AJAP1: variants seen among roughly 807,000 people sequenced by gnomAD.
AJAP1 encodes the protein adherens junction-associated protein 1.
In AJAP1, 5 loss-of-function variants were observed where a neutral mutation model predicts 35.0. That is an observed-to-expected ratio of 0.14 (90% CI 0.07 to 0.30). The LOEUF is 0.30. Among genes scored for constraint, AJAP1 ranks in the 10% least tolerant of loss-of-function variants. The pLI, the probability that AJAP1 is intolerant of heterozygous loss-of-function variation, is 1.00. For missense variants in AJAP1, 586 were observed against 571.0 expected (o/e 1.03, Z -0.27); for synonymous variants, 284 against 249.3 (o/e 1.14, Z -1.31).
rs1186856905 is a variant in AJAP1, at chr1:4,720,581, A to G, written c.829+7882A>G. On this transcript the variant is annotated intron_variant, in intron 2 of 5. Transcript: ENST00000378191. This position sits in a 1 kb window ranked among gnomAD's most constrained non-coding sequence, Gnocchi z 4.4. ...TCTTTGCCTGCAAAATGGGGAAGCA[A>G]TTTCTTTGTGACAAGGCTGTTCTGA... 6.6e-6 allele frequency among the ~76,000 whole-genome samples: 1 copy of G among 152,042 alleles called. No homozygotes were observed. The highest frequency in any genetic ancestry group is 2.4e-5 in the African/African-American group (1 of 41,384).
rs1217464683 is a variant in AJAP1 at position 4,792,509 on chromosome 1, A to T, written c.*10024A>T. ...ACTCTGATGTTGCTATTAAAAAAAA[A>T]AACATAATATGAAAAAAAAAAAAAA... On this transcript the variant is annotated 3_prime_UTR_variant, in exon 6 of 6. Coordinates refer to ENST00000378191, the MANE Select transcript of AJAP1 (RefSeq NM_018836.4). The T allele has an allele frequency of 7.1e-6, 1 of 140,908 alleles. No individual in the cohort carries two copies. Among genetic ancestry groups the T allele is most frequent in the Non-Finnish European group, 1.5e-5 (1 of 65,474 alleles). 8.7% of individuals were successfully genotyped at this position (140,908 alleles called of 1,614,324 possible).
At position 4,786,207 on chromosome 1, in the gene AJAP1, C is replaced by T. The variant is rs1366665133; in HGVS notation, c.*3722C>T. ...GTGTGTGGAGGTGGCTGCTAGTGTT[C>T]CTATTTACTGCCCTCCTTGCACACA... is the stretch of plus-strand genomic sequence containing the variant. On this transcript the variant is annotated 3_prime_UTR_variant, in exon 6 of 6. Coordinates refer to ENST00000378191, the MANE Select transcript of AJAP1 (RefSeq NM_018836.4). 2 of 152,056 alleles carry T rather than the reference C, an allele frequency of 1.3e-5. No homozygotes were observed. The highest frequency in any genetic ancestry group is 2.1e-4 in the South Asian group (1 of 4,814). The allele number at this position is 152,056 out of a possible 1,614,324, so 9.4% of individuals were successfully genotyped here.
rs1642078410 is a variant in AJAP1 at position 4,782,245 on chromosome 1, G to T, written c.*60-300G>T. ...CCACCATGAGTTAGCGGAGGGGGTG[G>T]TCCCAGCCCCTGGTAGCAAGCTCAG... On this transcript the variant is annotated intron_variant, in intron 5 of 5. Coordinates refer to ENST00000378191, the MANE Select transcript of AJAP1 (RefSeq NM_018836.4). The surrounding 1 kb of genome is among the most constrained non-coding windows in gnomAD (Gnocchi z 5.3). 6.6e-6 allele frequency among the ~76,000 whole-genome samples: 1 copy of T among 152,082 alleles called. No individual in the cohort carries two copies. The highest frequency in any genetic ancestry group is 1.5e-5 in the Non-Finnish European group (1 of 68,026).
chr1:4,670,203 T>G (rs1639221526), intron 1 of AJAP1, among the ~76,000 whole-genome samples: 1 of 152,156 alleles, frequency 6.6e-6, no homozygotes, highest in Non-Finnish European at 1.5e-5. Flanking sequence ...CTGTGCACCT[T>G]GTTCACAGCG....
In AJAP1 at chr1:4,712,450, T is replaced by A; in HGVS notation, c.580T>A (p.Ser194Thr). 1.9e-6 allele frequency: 3 copies of A among 1,607,928 alleles called. No individual in the cohort carries two copies. Among genetic ancestry groups the A allele is most frequent in the Non-Finnish European group, 2.5e-6 (3 of 1,177,922 alleles). The change falls in exon 2 of 6, where the codon TCC (serine) becomes ACC (threonine). Residue 194 changes from serine to threonine, a missense_variant. By Grantham distance (58) the Ser-to-Thr change is moderately conservative. Coordinates refer to ENST00000378191, the MANE Select transcript of AJAP1 (RefSeq NM_018836.4). Reference sequence around the variant, plus strand: ...CACGGGGGACGAGGAGGCCCTGGAGTCCAACACATTTCCGGGCGTTTACGG... The same window carrying A: ...CACGGGGGACGAGGAGGCCCTGGAGACCAACACATTTCCGGGCGTTTACGG... ...GPTGDEEALE[S>T]NTFPGVYGPT...
intron 1 of AJAP1, among the ~76,000 whole-genome samples, chr1:4,666,000 G>A (rs1031514809): frequency 3.3e-5 from 5 of 152,204 alleles, no homozygotes; most frequent in African/African-American, 1.2e-4. Context: ...GGAATGGGGT[G>A]GCTGCCGTTT....
intron 1 of AJAP1, among the ~76,000 whole-genome samples, chr1:4,700,016 T>G (rs1639950531): frequency 6.6e-6 from 1 of 152,196 alleles, no homozygotes; most frequent in Non-Finnish European, 1.5e-5. Context: ...TATGCATCTG[T>G]GTGATGGTGC....
intron 2 of AJAP1, among the ~76,000 whole-genome samples, chr1:4,761,019 T>C (rs1281486051): frequency 6.6e-6 from 1 of 152,226 alleles, no homozygotes; most frequent in Non-Finnish European, 1.5e-5. Flanking sequence ...TGTTGGGTGA[T>C]TCATGATCTT....
chr1:4,741,248 A>G (rs1641062733), intron 2 of AJAP1, among the ~76,000 whole-genome samples: 1 of 152,176 alleles, frequency 6.6e-6, no homozygotes, highest in Non-Finnish European at 1.5e-5. Context: ...AGGACCACAG[A>G]CCAGGTGACC....
intron 5 of AJAP1, among the ~76,000 whole-genome samples, chr1:4,776,140 G>T (rs1334429763): frequency 1.3e-5 from 2 of 152,236 alleles, no homozygotes; most frequent in Non-Finnish European, 2.9e-5. Flanking sequence ...AACTCGGGGG[G>T]ACAGCCCCGT....
rs956667420 is a variant in AJAP1, at chr1:4,666,204, C to T, written c.29+10750C>T. On this transcript the variant is annotated intron_variant, in intron 1 of 5. Transcript: ENST00000378191. ...CCCACTGAGGCTCCTCCGGCCCACC[C>T]AGGAGGGGCACCCCGCAGTGAAATA... is the stretch of plus-strand genomic sequence containing the variant. Among the ~76,000 whole-genome samples the T allele has an allele frequency of 6.0e-5, 9 of 150,276 alleles. No homozygotes were observed. In the East Asian group the frequency reaches 1.8e-3, roughly 30 times the overall value.
intron 1 of AJAP1, among the ~76,000 whole-genome samples, chr1:4,674,256 G>T (rs923889871): frequency 6.6e-6 from 1 of 152,100 alleles, no homozygotes; most frequent in Admixed American, 6.5e-5. Flanking sequence ...CTAGGTCAGG[G>T]GTTGGCACAC....
intron 1 of AJAP1, among the ~76,000 whole-genome samples, chr1:4,665,058 C>T (rs547858813): frequency 2.0e-5 from 3 of 151,856 alleles, no homozygotes; most frequent in Non-Finnish European, 4.4e-5. Context: ...TGGTAAAATG[C>T]GGAAAAAGCC....
Position 4,711,822 on chromosome 1 carries a change from G to A in AJAP1, c.30-78G>A, listed in dbSNP as rs551998794. 1.8e-5 allele frequency: 21 copies of A among 1,167,006 alleles called. No individual in the cohort carries two copies. The African/African-American group carries it at 2.6e-4, about 14-fold the overall frequency. The allele number at this position is 1,167,006 out of a possible 1,614,324, so 72.3% of individuals were successfully genotyped here. On this transcript the variant is annotated intron_variant, in intron 1 of 5. Transcript: ENST00000378191. ...GAGCGTCCTTGTCACAGCGCGGGGT[G>A]GAGAGAGAGGGCCCCGGGGCCCAGT...
intron 1 of AJAP1, among the ~76,000 whole-genome samples, chr1:4,707,485 A>G (rs531433198): frequency 7.9e-5 from 12 of 152,044 alleles, no homozygotes; most frequent in Admixed American, 6.5e-4. Flanking sequence ...CACTCTGTGC[A>G]TTTCCTATAA....
chr1:4,663,953 T>C (rs10915579), intron 1 of AJAP1, among the ~76,000 whole-genome samples: 42,706 of 152,004 alleles, frequency 0.28, 6,629 homozygotes, highest in Admixed American at 0.35. Flanking sequence ...AGGTTCTTTC[T>C]CATAAACACC....
Position 4,733,673 on chromosome 1 carries a change from G to T in AJAP1, c.829+20974G>T, listed in dbSNP as rs550642472. Among the ~76,000 whole-genome samples, 8 of 152,038 alleles carry T rather than the reference G, an allele frequency of 5.3e-5. No individual in the cohort carries two copies. The South Asian group carries it at 1.7e-3, about 32-fold the overall frequency. Reference sequence around the variant, plus strand: ...GAGCGCGGGAAATCCCAGCGGGCCGGCCTTGGGAGGATTCGGTTCATCCTG... The same window carrying T: ...GAGCGCGGGAAATCCCAGCGGGCCGTCCTTGGGAGGATTCGGTTCATCCTG... On this transcript the variant is annotated intron_variant, in intron 2 of 5. Coordinates refer to ENST00000378191, the MANE Select transcript of AJAP1 (RefSeq NM_018836.4).
chr1:4,666,417 T>C (rs1436480608), intron 1 of AJAP1, among the ~76,000 whole-genome samples: 1 of 152,020 alleles, frequency 6.6e-6, no homozygotes, highest in Non-Finnish European at 1.5e-5. Flanking sequence ...CCAGGGAAAG[T>C]GTCATGCTCT....
At chr1:4,745,556 T>G (rs2100323559) in intron 2 of AJAP1, among the ~76,000 whole-genome samples, 1 of 152,308 alleles carries the variant, frequency 6.6e-6, no homozygotes, top group Middle Eastern at 3.4e-3. Context: ...CCAGACTGCC[T>G]TACCCTCCTC....
Sources: gnomAD v4.1 joint callset for allele counts (sites outside exome capture counted in the v4.1 genomes callset) on GRCh38, gnomAD v4.1.1 for gene constraint, Gnocchi (gnomAD v3.1) non-coding constraint, MANE v1.5 for transcripts, NCBI Gene and HGNC (gene_info 2026-07-23, HGNC 2026-07-21) for gene names.